The following CFAP90 variants were observed in gnomAD, a reference collection of about 807,000 sequenced individuals.
CFAP90 encodes the protein cilia and flagella associated protein 90.
chr5:7,835,086 CACTAT>C, the CFAP90 span, among the ~76,000 whole-genome samples: 8 of 152,286 alleles, frequency 5.3e-5, no homozygotes, highest in Admixed American at 1.3e-4. Context: ...GTTACGTTTA[CACTAT>C]ACTATAGTAT....
the CFAP90 span, among the ~76,000 whole-genome samples, chr5:7,841,443 A>G: frequency 9.2e-5 from 14 of 152,216 alleles, no homozygotes; most frequent in African/African-American, 3.4e-4. Flanking sequence ...TAGAGGCAGA[A>G]ATACCATTCA....
chr5:7,837,721 C>T, the CFAP90 span, among the ~76,000 whole-genome samples: 1 of 152,182 alleles, frequency 6.6e-6, no homozygotes. Context: ...GGCTACTGTC[C>T]TCACTCAATG....
At chr5:7,842,790 G>T in the CFAP90 span, among the ~76,000 whole-genome samples, 1 of 152,116 alleles carries the variant, frequency 6.6e-6, no homozygotes, top group Admixed American at 6.5e-5. Flanking sequence ...ACTTTCTGGA[G>T]AGAAAAAAAT....
chr5:7,833,751 G>A, the CFAP90 span, among the ~76,000 whole-genome samples: 2 of 152,082 alleles, frequency 1.3e-5, no homozygotes, highest in Non-Finnish European at 2.9e-5. Flanking sequence ...CGGTAGTCCC[G>A]TAAGGTTATA....
the CFAP90 span, among the ~76,000 whole-genome samples, chr5:7,845,075 G>A: frequency 6.6e-6 from 1 of 152,188 alleles, no homozygotes; most frequent in South Asian, 2.1e-4. Flanking sequence ...AGAAAGCAAA[G>A]GGGAAGCAAA....
At chr5:7,850,266 C>T in the CFAP90 span, among the ~76,000 whole-genome samples, 4 of 152,110 alleles carry the variant, frequency 2.6e-5, no homozygotes, top group South Asian at 2.1e-4. Flanking sequence ...CTGCCGCGCC[C>T]CCTTCATCTC....
chr5:7,846,605 T>G, the CFAP90 span, among the ~76,000 whole-genome samples: 4 of 152,188 alleles, frequency 2.6e-5, no homozygotes, highest in Non-Finnish European at 5.9e-5. Flanking sequence ...CGCCTCCTAA[T>G]ACTGTCATGT....
At chr5:7,841,710 A>C in the CFAP90 span, among the ~76,000 whole-genome samples, 118,257 of 152,062 alleles carry the variant, frequency 0.78, 46,637 homozygotes, top group African/African-American at 0.87. Context: ...TTATCCTTAA[A>C]AAATTAACAC....
chr5:7,844,142 G>A, the CFAP90 span, among the ~76,000 whole-genome samples: 1 of 152,096 alleles, frequency 6.6e-6, no homozygotes, highest in Non-Finnish European at 1.5e-5. Context: ...CCTTTTTAAG[G>A]AGCTACCTGC....
chr5:7,839,652 A>T, the CFAP90 span, among the ~76,000 whole-genome samples: 1 of 152,212 alleles, frequency 6.6e-6, no homozygotes, highest in South Asian at 2.1e-4. Flanking sequence ...TATAAAAGTA[A>T]CCACTATGAG....
chr5:7,848,209 A>G, the CFAP90 span, among the ~76,000 whole-genome samples: 6 of 152,176 alleles, frequency 3.9e-5, no homozygotes, highest in Non-Finnish European at 7.4e-5. Context: ...CCTGGTGGCA[A>G]TGAGATTGGG....
chr5:7,830,446 A>G, the CFAP90 span: 1 of 152,224 alleles, frequency 6.6e-6, no homozygotes, highest in African/African-American at 2.4e-5. Flanking sequence ...AAGTCTGAAT[A>G]ATGAATAATT....
chr5:7,833,910 G>C, the CFAP90 span, among the ~76,000 whole-genome samples: 1 of 152,122 alleles, frequency 6.6e-6, no homozygotes, highest in Non-Finnish European at 1.5e-5. Context: ...TGATGTTGGT[G>C]AAAATAAACC....
the CFAP90 span, chr5:7,850,816 CCGCCCA>C: frequency 2.4e-6 from 3 of 1,227,564 alleles, no homozygotes; most frequent in South Asian, 4.0e-5. Flanking sequence ...AGCCGCCCAG[CCGCCCA>C]GCCGCCCAGC....
the CFAP90 span, among the ~76,000 whole-genome samples, chr5:7,833,695 TC>T: frequency 6.6e-6 from 1 of 152,258 alleles, no homozygotes; most frequent in African/African-American, 2.4e-5. Flanking sequence ...ACACATACAG[TC>T]ATGTGCCACA....
the CFAP90 span, among the ~76,000 whole-genome samples, chr5:7,839,714 T>A: frequency 6.6e-6 from 1 of 152,328 alleles, no homozygotes; most frequent in Admixed American, 6.5e-5. Context: ...GTCTTCTACA[T>A]CTTAGTGTTT....
chr5:7,847,143 G>C, the CFAP90 span, among the ~76,000 whole-genome samples: 5 of 152,192 alleles, frequency 3.3e-5, no homozygotes, highest in African/African-American at 1.2e-4. Context: ...TCCTGCAGCT[G>C]ATTAAATCCC....
the CFAP90 span, among the ~76,000 whole-genome samples, chr5:7,843,129 A>C: frequency 6.6e-6 from 1 of 152,082 alleles, no homozygotes; most frequent in African/African-American, 2.4e-5. Flanking sequence ...TAATTTTAAA[A>C]CTGAAAACCC....
the CFAP90 span, among the ~76,000 whole-genome samples, chr5:7,834,499 G>T: frequency 6.6e-6 from 1 of 152,076 alleles, no homozygotes; most frequent in Non-Finnish European, 1.5e-5. Context: ...TAAAATAAAT[G>T]TAGTGTAGCC....
Sources: gnomAD v4.1 joint callset for allele counts (sites outside exome capture counted in the v4.1 genomes callset) on GRCh38, gnomAD v4.1.1 for gene constraint, MANE v1.5 for transcripts, NCBI Gene and HGNC (gene_info 2026-07-23, HGNC 2026-07-21) for gene names.